Variants in PPP1R12B observed in about 807,000 individuals in gnomAD.
The protein encoded by PPP1R12B is myosin phosphatase target subunit 2.
In PPP1R12B, 76 loss-of-function variants were observed where a neutral mutation model predicts 126.1. The observed-to-expected ratio is 0.60, with a 90% confidence interval of 0.50 to 0.73. The LOEUF (loss-of-function observed/expected upper bound fraction) is 0.73, where lower values mean the gene tolerates loss of function less well. Ranked by LOEUF, PPP1R12B falls within the 30% of genes least tolerant of loss-of-function variation. The probability of loss-of-function intolerance (pLI) is 0.00; values close to 1 mark genes in which losing one functional copy is unlikely to be tolerated. For synonymous variants in PPP1R12B, 356 were observed against 434.7 expected, an observed-to-expected ratio of 0.82 and a Z score of 2.25; for missense variants, 1,052 against 1,205.1, an observed-to-expected ratio of 0.87 and a Z score of 1.88.
At chr1:202,450,249 T>C (rs974215087) in intron 13 of PPP1R12B, among the ~76,000 whole-genome samples, 1 of 152,200 alleles carries the variant, frequency 6.6e-6, no homozygotes, top group Non-Finnish European at 1.5e-5. Flanking sequence ...TATGTGATGA[T>C]ATGGTAGAAG....
chr1:202,355,894 G>A, intron 1 of PPP1R12B, among the ~76,000 whole-genome samples: 1 of 152,166 alleles, frequency 6.6e-6, no homozygotes, highest in Non-Finnish European at 1.5e-5. Flanking sequence ...TAGGTGTTTA[G>A]CATGGTGGCC....
In PPP1R12B at chr1:202,493,294, T is replaced by C. The variant is rs1463605238; in HGVS notation, c.2122T>C (p.Trp708Arg). ...AGAAGCTGGGGAGGGCCAGCAGCCC[T>C]GGGGCAGGAGTCTGGATGAAGAGGT... The part of the protein sequence containing the change: ...ATEAGEGQQP[W>R]GRSLDEEPIC... Residue 708 changes from tryptophan to arginine, a missense_variant, in exon 15 of 24, where the codon TGG becomes CGG. Transcript: ENST00000608999. The C allele has an allele frequency of 1.9e-6, 3 of 1,612,394 alleles. No homozygotes were observed. The highest frequency in any genetic ancestry group is 1.3e-5 in the African/African-American group (1 of 74,988).
chr1:202,560,483 G>T (rs945621136), intron 19 of PPP1R12B, among the ~76,000 whole-genome samples: 1 of 152,202 alleles, frequency 6.6e-6, no homozygotes, highest in Non-Finnish European at 1.5e-5. Context: ...ACCATATGTT[G>T]TAACTTCCTG....
At chr1:202,378,877 C>T (rs929203676) in intron 1 of PPP1R12B, among the ~76,000 whole-genome samples, 1 of 152,152 alleles carries the variant, frequency 6.6e-6, no homozygotes, top group African/African-American at 2.4e-5. Flanking sequence ...CAAAACAATG[C>T]TTTTTTTCCC....
At position 202,589,454 on chromosome 1, in the gene PPP1R12B, G is replaced by C. The variant is rs1690023871; in HGVS notation, c.*8894G>C. The C allele has an allele frequency of 6.6e-6, 1 of 152,258 alleles. No homozygotes were observed. The highest frequency in any genetic ancestry group is 2.4e-5 in the African/African-American group (1 of 41,464). The allele number at this position is 152,258 out of a possible 1,614,324, so 9.4% of individuals were successfully genotyped here. On this transcript the variant is annotated 3_prime_UTR_variant, in exon 24 of 24. Transcript: ENST00000608999. ...AAGCAGCAGCAGAACAAGCACACTT[G>C]ATGTCATGGTTGAAGAATTCAGTCC...
Position 202,469,322 on chromosome 1 carries a change from C to CATATT in PPP1R12B, c.1851-19209_1851-19205dup, listed in dbSNP as rs1359374002. Reference sequence around the variant, plus strand: ...ATGAGCTAAGGCAGTTGTTGGTTTACATATTACTTTCTAGTGTGAGAAAAT... The same window carrying CATATT: ...ATGAGCTAAGGCAGTTGTTGGTTTACATATTATATTACTTTCTAGTGTGAGAAAAT... On this transcript the variant is annotated intron_variant, in intron 13 of 23. Transcript: ENST00000608999. Among the ~76,000 whole-genome samples, 3 of 152,102 alleles carry CATATT rather than the reference C, an allele frequency of 2.0e-5. No homozygotes were observed. In the East Asian group the frequency reaches 5.8e-4, roughly 29 times the overall value.
chr1:202,421,982 T>G (rs1668849864), intron 2 of PPP1R12B, among the ~76,000 whole-genome samples: 1 of 152,244 alleles, frequency 6.6e-6, no homozygotes, highest in South Asian at 2.1e-4. Flanking sequence ...TAATGTTGCC[T>G]AAGACTTATG....
At chr1:202,507,429 G>T (rs1422278006) in intron 18 of PPP1R12B, among the ~76,000 whole-genome samples, 1 of 151,954 alleles carries the variant, frequency 6.6e-6, no homozygotes, top group South Asian at 2.1e-4. Context: ...TTTATTTCAG[G>T]ATAGTAAGGG....
intron 10 of PPP1R12B, chr1:202,438,919 G>A: frequency 6.6e-7 from 1 of 1,524,006 alleles, no homozygotes; most frequent in Non-Finnish European, 9.0e-7. Flanking sequence ...CCCTGTGCCT[G>A]GAGGTGACCC....
At chr1:202,400,656 C>T (rs1665680705) in intron 1 of PPP1R12B, among the ~76,000 whole-genome samples, 1 of 152,212 alleles carries the variant, frequency 6.6e-6, no homozygotes, top group Non-Finnish European at 1.5e-5. Context: ...TTTATAATAG[C>T]TAACAGCAAT....
chr1:202,571,296 A>G (rs994605992), intron 23 of PPP1R12B, among the ~76,000 whole-genome samples: 5 of 152,196 alleles, frequency 3.3e-5, no homozygotes, highest in Admixed American at 2.0e-4. Flanking sequence ...CCTTTCCTCA[A>G]GAGATTATAA....
chr1:202,414,218 G>A (rs1364608965), intron 1 of PPP1R12B, among the ~76,000 whole-genome samples: 1 of 152,190 alleles, frequency 6.6e-6, no homozygotes, highest in African/African-American at 2.4e-5. Flanking sequence ...CACCATACCC[G>A]ACCTGATAGT....
chr1:202,388,416 G>T (rs967314055), intron 1 of PPP1R12B, among the ~76,000 whole-genome samples: 1 of 152,154 alleles, frequency 6.6e-6, no homozygotes, highest in Non-Finnish European at 1.5e-5. Context: ...ATGTTGGCCA[G>T]GCTGGTCTTG....
At chr1:202,537,129 A>G (rs1224003838) in intron 18 of PPP1R12B, among the ~76,000 whole-genome samples, 1 of 152,170 alleles carries the variant, frequency 6.6e-6, no homozygotes, top group Admixed American at 6.5e-5. Context: ...CGGGCCGATC[A>G]CAAGGTCAGG....
chr1:202,438,734 G>T, intron 10 of PPP1R12B: 1 of 684,852 alleles, frequency 1.5e-6, no homozygotes, highest in Middle Eastern at 3.2e-4. Context: ...TTTTGCAGAC[G>T]TCGTGAGAGA....
In PPP1R12B at chr1:202,586,766, C is replaced by T. The variant is rs892728089; in HGVS notation, c.*6206C>T. ...AGGTTTGGCTTACAACCCAGTGTCCCGGAAGCCCTCCTTCGGGAGAACTGT... is the reference window on the plus strand; with the variant it reads ...AGGTTTGGCTTACAACCCAGTGTCCTGGAAGCCCTCCTTCGGGAGAACTGT... On this transcript the variant is annotated 3_prime_UTR_variant, in exon 24 of 24. Transcript: ENST00000608999. 1.3e-5 allele frequency: 2 copies of T among 152,326 alleles called. No individual in the cohort carries two copies. The highest frequency in any genetic ancestry group is 2.1e-4 in the South Asian group (1 of 4,826). The allele number at this position is 152,326 out of a possible 1,614,324, so 9.4% of individuals were successfully genotyped here.
intron 18 of PPP1R12B, among the ~76,000 whole-genome samples, chr1:202,548,697 T>C (rs1685918691): frequency 6.6e-6 from 1 of 151,220 alleles, no homozygotes; most frequent in South Asian, 2.1e-4. Flanking sequence ...CTCAGAAGGC[T>C]GAGGCAGAAG....
intron 19 of PPP1R12B, among the ~76,000 whole-genome samples, chr1:202,562,384 T>G (rs1572515861): frequency 1.3e-5 from 2 of 152,350 alleles, no homozygotes; most frequent in South Asian, 4.1e-4. Flanking sequence ...TGTTTCTGAT[T>G]CATTGACAGT....
At chr1:202,441,494 C>T (rs951474443) in intron 11 of PPP1R12B, among the ~76,000 whole-genome samples, 1 of 152,016 alleles carries the variant, frequency 6.6e-6, no homozygotes, top group Non-Finnish European at 1.5e-5. Flanking sequence ...AATCTCAGGC[C>T]CTACTCCAGA....
Sources: gnomAD v4.1 joint callset for allele counts (sites outside exome capture counted in the v4.1 genomes callset) on GRCh38, gnomAD v4.1.1 for gene constraint, MANE v1.5 for transcripts, NCBI Gene and HGNC (gene_info 2026-07-23, HGNC 2026-07-21) for gene names.